Variants in SMIM10L1 observed in about 807,000 individuals in gnomAD.
The protein encoded by SMIM10L1 is small integral membrane protein 10 like 1.
Under a neutral mutation model 4.5 loss-of-function variants are expected in SMIM10L1, and 6 were observed. The observed-to-expected ratio is 1.33, with a 90% CI of 0.73 to 2.62. The LOEUF (loss-of-function observed/expected upper bound fraction) is 2.62, where lower values mean the gene tolerates loss of function less well. Among genes scored for constraint, SMIM10L1 ranks in the 30% most tolerant of loss-of-function variants. The probability of loss-of-function intolerance (pLI) is 0.00; values close to 1 mark genes in which losing one functional copy is unlikely to be tolerated. For missense variants in SMIM10L1, 66 were observed against 86.2 expected, an observed-to-expected ratio of 0.77 and a Z score of 0.93; for synonymous variants, 49 against 42.2, an observed-to-expected ratio of 1.16 and a Z score of -0.63.
chr12:11,171,595 A>C lies in SMIM10L1; in HGVS notation c.*32A>C. 1.6e-6 allele frequency: 2 copies of C among 1,224,088 alleles called. No individual in the cohort carries two copies. The highest frequency in any genetic ancestry group is 2.0e-6 in the Non-Finnish European group (2 of 980,644). The allele number at this position is 1,224,088 out of a possible 1,614,324, so 75.8% of individuals were successfully genotyped here. On this transcript the variant is annotated 3_prime_UTR_variant, in exon 1 of 1. Coordinates refer to ENST00000622602, the MANE Select transcript of SMIM10L1 (RefSeq NM_001271592.2). ...GACTAAGCTAACGGCCTCCGGGGCC[A>C]GCATGATGGCCGACTCCCAGGGTCC...
rs569947299 is a variant in SMIM10L1 at position 11,171,666 on chromosome 12, G to A, written c.*103G>A. The A allele has an allele frequency of 3.2e-5, 27 of 854,710 alleles. No individual in the cohort carries two copies. Among genetic ancestry groups the A allele is most frequent in the Admixed American group, 4.3e-5 (1 of 23,226 alleles). 52.9% of individuals were successfully genotyped at this position (854,710 alleles called of 1,614,324 possible). ...CCAATGGCGAGCCCCACAGTCTCGC[G>A]AGAGTGCTCAGGCGCTCTTCGTGGC... On this transcript the variant is annotated 3_prime_UTR_variant, in exon 1 of 1. Transcript: ENST00000622602.
In SMIM10L1 at chr12:11,172,420, G is replaced by T. The variant is rs768914364; in HGVS notation, c.*857G>T. On this transcript the variant is annotated 3_prime_UTR_variant, in exon 1 of 1. Transcript: ENST00000622602. ...GAGGGCGGGGGAAGTAAATGGAATG[G>T]GGGTTATGTCCTTATAAAGTGGAAA... The T allele has an allele frequency of 6.6e-6, 1 of 152,156 alleles. No homozygotes were observed. Among genetic ancestry groups the T allele is most frequent in the Non-Finnish European group, 1.5e-5 (1 of 68,036 alleles). 9.4% of individuals were successfully genotyped at this position (152,156 alleles called of 1,614,324 possible).
rs1947932318 is a variant in SMIM10L1 at position 11,175,338 on chromosome 12, A to G, written c.*3775A>G. 6.6e-6 allele frequency: 1 copy of G among 152,154 alleles called. No homozygotes were observed. The highest frequency in any genetic ancestry group is 6.5e-5 in the Admixed American group (1 of 15,272). The allele number at this position is 152,154 out of a possible 1,614,324, so 9.4% of individuals were successfully genotyped here. A position where few individuals can be genotyped will look rare whatever the true frequency, so the allele number is the denominator to read the frequency against. On this transcript the variant is annotated 3_prime_UTR_variant, in exon 1 of 1. Coordinates refer to ENST00000622602, the MANE Select transcript of SMIM10L1 (RefSeq NM_001271592.2). Reference sequence around the variant, plus strand: ...AGCCATGTCTGTTCCTGTCCTGAGGATCCCTAACTAAATTTTGTTAGAAAA... The same window carrying G: ...AGCCATGTCTGTTCCTGTCCTGAGGGTCCCTAACTAAATTTTGTTAGAAAA...
rs1232144687 is a variant in SMIM10L1, at chr12:11,173,692, G to C, written c.*2129G>C. ...GTGACAGAGTAGGATGCTCCATTTG[G>C]GTGACTATGTGAACATATTCCTATA... On this transcript the variant is annotated 3_prime_UTR_variant, in exon 1 of 1. Transcript: ENST00000622602. 6.6e-6 allele frequency: 1 copy of C among 152,020 alleles called. No homozygotes were observed. The highest frequency in any genetic ancestry group is 2.4e-5 in the African/African-American group (1 of 41,408). The allele number at this position is 152,020 out of a possible 1,614,324, so 9.4% of individuals were successfully genotyped here. A position where few individuals can be genotyped will look rare whatever the true frequency, so the allele number is the denominator to read the frequency against.
In SMIM10L1 at chr12:11,173,912, A is replaced by T. The variant is rs1281403487; in HGVS notation, c.*2349A>T. 1 of 151,204 alleles carries T rather than the reference A, an allele frequency of 6.6e-6. No homozygotes were observed. Among genetic ancestry groups the T allele is most frequent in the African/African-American group, 2.4e-5 (1 of 41,258 alleles). The allele number at this position is 151,204 out of a possible 1,614,324, so 9.4% of individuals were successfully genotyped here. A position where few individuals can be genotyped will look rare whatever the true frequency, so the allele number is the denominator to read the frequency against. ...ATATACATACACATATATAAATTTAAGTAGTAACTATATATGTATATATGT... is the reference window on the plus strand; with the variant it reads ...ATATACATACACATATATAAATTTATGTAGTAACTATATATGTATATATGT... On this transcript the variant is annotated 3_prime_UTR_variant, in exon 1 of 1. Transcript: ENST00000622602.
chr12:11,175,786 T>A lies in SMIM10L1; in HGVS notation c.*4223T>A, dbSNP rs1367808150. On this transcript the variant is annotated 3_prime_UTR_variant, in exon 1 of 1. Transcript: ENST00000622602. ...GTGATGATCTCAGGAGATGGGACCT[T>A]TGGGAGGTGATCAGGTCATAAAGAT... 2 of 152,216 alleles carry A rather than the reference T, an allele frequency of 1.3e-5. No individual in the cohort carries two copies. Among genetic ancestry groups the A allele is most frequent in the African/African-American group, 4.8e-5 (2 of 41,450 alleles). The allele number at this position is 152,216 out of a possible 1,614,324, so 9.4% of individuals were successfully genotyped here.
At position 11,171,303 on chromosome 12, in the gene SMIM10L1, G is replaced by A. The variant is rs973254765; in HGVS notation, c.-54G>A. On this transcript the variant is annotated 5_prime_UTR_variant, in exon 1 of 1. Coordinates refer to ENST00000622602, the MANE Select transcript of SMIM10L1 (RefSeq NM_001271592.2). Reference sequence around the variant, plus strand: ...TCCCAGCCGTCGCTAGGAGGTCCGCGGGCCCTGCGGCAACCCTCGCTACAG... The same window carrying A: ...TCCCAGCCGTCGCTAGGAGGTCCGCAGGCCCTGCGGCAACCCTCGCTACAG... The A allele has an allele frequency of 3.5e-6, 4 of 1,147,846 alleles. No homozygotes were observed. The Admixed American group carries it at 1.3e-4, about 36-fold the overall frequency. The allele number at this position is 1,147,846 out of a possible 1,614,324, so 71.1% of individuals were successfully genotyped here. A position where few individuals can be genotyped will look rare whatever the true frequency, so the allele number is the denominator to read the frequency against.
In SMIM10L1 at chr12:11,171,677, G is replaced by GA; in HGVS notation, c.*114_*115insA. ...CCCCACAGTCTCGCGAGAGTGCTCA[G>GA]GCGCTCTTCGTGGCTGCCCTCTTAG... On this transcript the variant is annotated 3_prime_UTR_variant, in exon 1 of 1. Coordinates refer to ENST00000622602, the MANE Select transcript of SMIM10L1 (RefSeq NM_001271592.2). 2 of 761,238 alleles carry GA rather than the reference G, an allele frequency of 2.6e-6. No homozygotes were observed. The highest frequency in any genetic ancestry group is 3.6e-6 in the Non-Finnish European group (2 of 558,406). The allele number at this position is 761,238 out of a possible 1,614,324, so 47.2% of individuals were successfully genotyped here. A position where few individuals can be genotyped will look rare whatever the true frequency, so the allele number is the denominator to read the frequency against.
At position 11,172,138 on chromosome 12, in the gene SMIM10L1, T is replaced by A. The variant is rs963099029; in HGVS notation, c.*575T>A. On this transcript the variant is annotated 3_prime_UTR_variant, in exon 1 of 1. Coordinates refer to ENST00000622602, the MANE Select transcript of SMIM10L1 (RefSeq NM_001271592.2). Reference sequence around the variant, plus strand: ...CAAGCTTTTGAACTAATGGCGAGAGTGTAAGAAAATGGGCTCTACTTCAGT... The same window carrying A: ...CAAGCTTTTGAACTAATGGCGAGAGAGTAAGAAAATGGGCTCTACTTCAGT... 1 of 151,898 alleles carries A rather than the reference T, an allele frequency of 6.6e-6. No individual in the cohort carries two copies. The highest frequency in any genetic ancestry group is 1.5e-5 in the Non-Finnish European group (1 of 67,964). The allele number at this position is 151,898 out of a possible 1,614,324, so 9.4% of individuals were successfully genotyped here.
rs1947868858 is a variant in SMIM10L1, at chr12:11,172,116, G to A, written c.*553G>A. ...AAGTACCAGACATAAAATGCTGCAA[G>A]CTTTTGAACTAATGGCGAGAGTGTA... On this transcript the variant is annotated 3_prime_UTR_variant, in exon 1 of 1. Transcript: ENST00000622602. 1 of 152,196 alleles carries A rather than the reference G, an allele frequency of 6.6e-6. No homozygotes were observed. The allele number at this position is 152,196 out of a possible 1,614,324, so 9.4% of individuals were successfully genotyped here. A position where few individuals can be genotyped will look rare whatever the true frequency, so the allele number is the denominator to read the frequency against.
rs925487352 is a variant in SMIM10L1 at position 11,173,978 on chromosome 12, T to A, written c.*2415T>A. 1 of 151,468 alleles carries A rather than the reference T, an allele frequency of 6.6e-6. No individual in the cohort carries two copies. The highest frequency in any genetic ancestry group is 1.5e-5 in the Non-Finnish European group (1 of 67,852). The allele number at this position is 151,468 out of a possible 1,614,324, so 9.4% of individuals were successfully genotyped here. On this transcript the variant is annotated 3_prime_UTR_variant, in exon 1 of 1. Coordinates refer to ENST00000622602, the MANE Select transcript of SMIM10L1 (RefSeq NM_001271592.2). ...TATATATGTATACAGTATATAAGTATATATGTATAGTTACTACTTACAATA... is the reference window on the plus strand; with the variant it reads ...TATATATGTATACAGTATATAAGTAAATATGTATAGTTACTACTTACAATA...
Position 11,173,762 on chromosome 12 carries a change from A to ATAAAT in SMIM10L1, c.*2199_*2200insTAAAT, listed in dbSNP as rs1227626640. 1 of 152,082 alleles carries ATAAAT rather than the reference A, an allele frequency of 6.6e-6. No individual in the cohort carries two copies. The highest frequency in any genetic ancestry group is 2.4e-5 in the African/African-American group (1 of 41,420). The allele number at this position is 152,082 out of a possible 1,614,324, so 9.4% of individuals were successfully genotyped here. A position where few individuals can be genotyped will look rare whatever the true frequency, so the allele number is the denominator to read the frequency against. On this transcript the variant is annotated 3_prime_UTR_variant, in exon 1 of 1. Transcript: ENST00000622602. ...TCATTTGTTAAACCGAAGATGAAGAAACAGACTTTGTATTTATTACATCCT... is the reference window on the plus strand; with the variant it reads ...TCATTTGTTAAACCGAAGATGAAGAATAAATACAGACTTTGTATTTATTACATCCT...
In SMIM10L1 at chr12:11,171,367, C is replaced by T. The variant is rs900342486; in HGVS notation, c.11C>T (p.Ala4Val). MAPAAAPSSLAVRA... is the reference protein window; with the variant it reads MAPVAAPSSLAVRA... ...GGCGACACCTGGCTCATGGCCCCCGCGGCGGCTCCGTCCTCCTTGGCCGTC... is the reference window on the plus strand; with the variant it reads ...GGCGACACCTGGCTCATGGCCCCCGTGGCGGCTCCGTCCTCCTTGGCCGTC... The change falls in exon 1 of 1, where the codon GCG (alanine) becomes GTG (valine). Residue 4 changes from alanine (A) to valine (V), a missense_variant. By Grantham distance (64) the Ala-to-Val change is moderately conservative (BLOSUM62 0). Transcript: ENST00000622602. 3 of 1,231,736 alleles carry T rather than the reference C, an allele frequency of 2.4e-6. No individual in the cohort carries two copies. In the African/African-American group the frequency reaches 4.7e-5, roughly 19 times the overall value. 76.3% of individuals were successfully genotyped at this position (1,231,736 alleles called of 1,614,324 possible). A position where few individuals can be genotyped will look rare whatever the true frequency, so the allele number is the denominator to read the frequency against.
At position 11,174,256 on chromosome 12, in the gene SMIM10L1, T is replaced by A. The variant is rs1592145903; in HGVS notation, c.*2693T>A. 6.6e-6 allele frequency: 1 copy of A among 152,228 alleles called. No individual in the cohort carries two copies. Among genetic ancestry groups the A allele is most frequent in the African/African-American group, 2.4e-5 (1 of 41,536 alleles). The allele number at this position is 152,228 out of a possible 1,614,324, so 9.4% of individuals were successfully genotyped here. On this transcript the variant is annotated 3_prime_UTR_variant, in exon 1 of 1. Coordinates refer to ENST00000622602, the MANE Select transcript of SMIM10L1 (RefSeq NM_001271592.2). ...AGTGAGTTTATTCTTCCTGGCACAC[T>A]TCCAGGTAATATCCATTAGGCTAAG...
chr12:11,174,687 T>C lies in SMIM10L1; in HGVS notation c.*3124T>C, dbSNP rs1947923220. 1 of 152,210 alleles carries C rather than the reference T, an allele frequency of 6.6e-6. No homozygotes were observed. The highest frequency in any genetic ancestry group is 2.1e-4 in the South Asian group (1 of 4,818). 9.4% of individuals were successfully genotyped at this position (152,210 alleles called of 1,614,324 possible). A position where few individuals can be genotyped will look rare whatever the true frequency, so the allele number is the denominator to read the frequency against. Reference sequence around the variant, plus strand: ...CTAAGGGATAGGGGAAAAGTTGTTTTTTTTTTTTTAATTCTGGGTAAAAAT... The same window carrying C: ...CTAAGGGATAGGGGAAAAGTTGTTTCTTTTTTTTTAATTCTGGGTAAAAAT... On this transcript the variant is annotated 3_prime_UTR_variant, in exon 1 of 1. Coordinates refer to ENST00000622602, the MANE Select transcript of SMIM10L1 (RefSeq NM_001271592.2).
chr12:11,171,232 A>G lies in SMIM10L1; in HGVS notation c.-125A>G. 1 of 560,456 alleles carries G rather than the reference A, an allele frequency of 1.8e-6. No individual in the cohort carries two copies. Among genetic ancestry groups the G allele is most frequent in the Non-Finnish European group, 2.7e-6 (1 of 374,906 alleles). 34.7% of individuals were successfully genotyped at this position (560,456 alleles called of 1,614,324 possible). A position where few individuals can be genotyped will look rare whatever the true frequency, so the allele number is the denominator to read the frequency against. ...ACTGCACCGAGCGGCGGCAGCGGCAAGCTTGGGTGTGAGCCCGGGAGCCGC... is the reference window on the plus strand; with the variant it reads ...ACTGCACCGAGCGGCGGCAGCGGCAGGCTTGGGTGTGAGCCCGGGAGCCGC... On this transcript the variant is annotated 5_prime_UTR_variant, in exon 1 of 1. Coordinates refer to ENST00000622602, the MANE Select transcript of SMIM10L1 (RefSeq NM_001271592.2).
At position 11,171,547 on chromosome 12, in the gene SMIM10L1, T is replaced by C; in HGVS notation, c.191T>C (p.Leu64Ser). The C allele has an allele frequency of 4.1e-6, 5 of 1,232,182 alleles. No individual in the cohort carries two copies. Among genetic ancestry groups the C allele is most frequent in the Non-Finnish European group, 5.1e-6 (5 of 988,008 alleles). 76.3% of individuals were successfully genotyped at this position (1,232,182 alleles called of 1,614,324 possible). The stretch of plus-strand genomic sequence containing the variant: ...GGCTCGGTGATCCTCAACATCCGAT[T>C]GCAGGTACATATTTAGAGCCATGAC... ...VAGSVILNIR[L>S]QVHI Residue 64 changes from leucine to serine, a missense_variant, in exon 1 of 1, where the codon TTG becomes TCG. By Grantham distance (145) the Leu-to-Ser change is moderately radical. Coordinates refer to ENST00000622602, the MANE Select transcript of SMIM10L1 (RefSeq NM_001271592.2).
In SMIM10L1 at chr12:11,171,197, T is replaced by A. The variant is rs1400310178; in HGVS notation, c.-160T>A. On this transcript the variant is annotated 5_prime_UTR_variant, in exon 1 of 1. Coordinates refer to ENST00000622602, the MANE Select transcript of SMIM10L1 (RefSeq NM_001271592.2). ...GCGGAGCGCCAGCGGCGCCCGGGGCTACGCGCCGCACTGCACCGAGCGGCG... is the reference window on the plus strand; with the variant it reads ...GCGGAGCGCCAGCGGCGCCCGGGGCAACGCGCCGCACTGCACCGAGCGGCG... The A allele has an allele frequency of 1.9e-5, 8 of 416,366 alleles. No homozygotes were observed. Among genetic ancestry groups the A allele is most frequent in the Non-Finnish European group, 3.3e-5 (8 of 243,692 alleles). The allele number at this position is 416,366 out of a possible 1,614,324, so 25.8% of individuals were successfully genotyped here.
rs1390011873 is a variant in SMIM10L1, at chr12:11,174,398, G to C, written c.*2835G>C. ...CAATTTTGTTGGTATGCTCTACATAGTCAGCAGTCAATAAAGGAAACATAT... is the reference window on the plus strand; with the variant it reads ...CAATTTTGTTGGTATGCTCTACATACTCAGCAGTCAATAAAGGAAACATAT... On this transcript the variant is annotated 3_prime_UTR_variant, in exon 1 of 1. Coordinates refer to ENST00000622602, the MANE Select transcript of SMIM10L1 (RefSeq NM_001271592.2). 6.6e-6 allele frequency: 1 copy of C among 152,090 alleles called. No homozygotes were observed. The highest frequency in any genetic ancestry group is 1.5e-5 in the Non-Finnish European group (1 of 67,978). 9.4% of individuals were successfully genotyped at this position (152,090 alleles called of 1,614,324 possible).
Sources: gnomAD v4.1 joint callset for allele counts on GRCh38, gnomAD v4.1.1 for gene constraint, MANE v1.5 for transcripts, NCBI Gene and HGNC (gene_info 2026-07-23, HGNC 2026-07-21) for gene names.